The following ALCAM variants were observed in gnomAD, a reference collection of about 807,000 sequenced individuals.
ALCAM encodes CD166 antigen.
ALCAM carries 30 observed loss-of-function variants against 70.9 expected under a neutral mutation model. The observed-to-expected ratio is 0.42, with a 90% CI of 0.32 to 0.57. ALCAM has a LOEUF of 0.57. Ranked by LOEUF, ALCAM falls within the 20% of genes least tolerant of loss-of-function variation. ALCAM has a pLI of 0.11. For synonymous variants in ALCAM, 249 were observed against 242.5 expected (o/e 1.03, Z -0.25); for missense variants, 591 against 695.1 (o/e 0.85, Z 1.68).
chr3:105,520,836 A>G (rs1479090927), intron 2 of ALCAM, among the ~76,000 whole-genome samples: 2 of 152,196 alleles, frequency 1.3e-5, no homozygotes, highest in South Asian at 4.1e-4. Context: ...ATATTAATGC[A>G]AAGTGTTTGT....
chr3:105,394,077 T>C (rs962572636), intron 1 of ALCAM, among the ~76,000 whole-genome samples: 2 of 151,964 alleles, frequency 1.3e-5, no homozygotes, highest in African/African-American at 4.8e-5. Context: ...TCAAGTACTA[T>C]GGTACTTTCA....
intron 1 of ALCAM, among the ~76,000 whole-genome samples, chr3:105,389,753 C>A (rs533856585): frequency 6.7e-6 from 1 of 150,156 alleles, no homozygotes; most frequent in East Asian, 2.0e-4. Flanking sequence ...ACCCCCTCAA[C>A]AGGTCCCATT....
chr3:105,514,676 A>G (rs1939332353), intron 1 of ALCAM, among the ~76,000 whole-genome samples: 1 of 151,972 alleles, frequency 6.6e-6, no homozygotes, highest in South Asian at 2.1e-4. Flanking sequence ...TACTACTAGT[A>G]GTTTATAATT....
chr3:105,565,492 CTCTT>C (rs1408526658), intron 14 of ALCAM, among the ~76,000 whole-genome samples: 4 of 152,062 alleles, frequency 2.6e-5, no homozygotes, highest in Non-Finnish European at 5.9e-5. Context: ...TTTCAGTCTT[CTCTT>C]TCTATTATTA....
At chr3:105,453,942 A>T (rs748004051) in intron 1 of ALCAM, among the ~76,000 whole-genome samples, 10 of 152,172 alleles carry the variant, frequency 6.6e-5, no homozygotes, top group Non-Finnish European at 1.2e-4. Flanking sequence ...AGATACACAA[A>T]CTAAAATTGT....
intron 1 of ALCAM, among the ~76,000 whole-genome samples, chr3:105,516,352 CAT>C (rs1939378094): frequency 6.6e-6 from 1 of 152,114 alleles, no homozygotes; most frequent in East Asian, 1.9e-4. Flanking sequence ...AACTTCAAAA[CAT>C]TACCAGAGTC....
intron 3 of ALCAM, among the ~76,000 whole-genome samples, chr3:105,526,783 G>T (rs1486794959): frequency 1.3e-5 from 2 of 152,096 alleles, no homozygotes; most frequent in African/African-American, 4.8e-5. Flanking sequence ...CTGTGACAGG[G>T]AGACTTTCAT....
At chr3:105,440,551 GC>G (rs1383622019) in intron 1 of ALCAM, among the ~76,000 whole-genome samples, 1 of 152,134 alleles carries the variant, frequency 6.6e-6, no homozygotes, top group Non-Finnish European at 1.5e-5. Context: ...CTCAGCTAAG[GC>G]CCAGCAAATG....
chr3:105,383,410 A>G (rs1488184213), intron 1 of ALCAM, among the ~76,000 whole-genome samples: 3 of 151,848 alleles, frequency 2.0e-5, no homozygotes, highest in African/African-American at 7.2e-5. Context: ...CTACTGATAC[A>G]TAGAACTTTC....
intron 8 of ALCAM, 86 bp from the exon 9 acceptor site, chr3:105,545,137 A>G (rs1316418189): frequency 2.2e-6 from 2 of 901,038 alleles, no homozygotes; most frequent in Non-Finnish European, 3.7e-6. Flanking sequence ...GAAGAAATTT[A>G]TTTTCTTTCA....
chr3:105,399,534 A>G (rs1936035665), intron 1 of ALCAM, among the ~76,000 whole-genome samples: 1 of 152,154 alleles, frequency 6.6e-6, no homozygotes, highest in African/African-American at 2.4e-5. Flanking sequence ...TACACATATT[A>G]GGCCTAGATT....
At chr3:105,450,221 T>C (rs1052339990) in intron 1 of ALCAM, among the ~76,000 whole-genome samples, 1 of 152,224 alleles carries the variant, frequency 6.6e-6, no homozygotes, top group African/African-American at 2.4e-5. Flanking sequence ...AGTTCTTTCC[T>C]CATCTGTTTC....
Position 105,576,752 on chromosome 3 carries a change from C to T in ALCAM, c.*2301C>T, listed in dbSNP as rs1038779271. 8 of 152,182 alleles carry T rather than the reference C, an allele frequency of 5.3e-5. No individual in the cohort carries two copies. Among genetic ancestry groups the T allele is most frequent in the Non-Finnish European group, 8.8e-5 (6 of 68,032 alleles). The allele number at this position is 152,182 out of a possible 1,614,324, so 9.4% of individuals were successfully genotyped here. On this transcript the variant is annotated 3_prime_UTR_variant, in exon 16 of 16. Coordinates refer to ENST00000306107, the MANE Select transcript of ALCAM (RefSeq NM_001627.4). Reference sequence around the variant, plus strand: ...TCCAAATCCTCAACTTTTGAGGTTTCGGCTCTCCAATTTAACTCTTTGGCA... The same window carrying T: ...TCCAAATCCTCAACTTTTGAGGTTTTGGCTCTCCAATTTAACTCTTTGGCA...
Position 105,367,292 on chromosome 3 carries a change from G to GA in ALCAM, c.-116dup. 1.0e-6 allele frequency: 1 copy of GA among 973,574 alleles called. No individual in the cohort carries two copies. The highest frequency in any genetic ancestry group is 1.6e-6 in the Non-Finnish European group (1 of 636,438). 60.3% of individuals were successfully genotyped at this position (973,574 alleles called of 1,614,324 possible). On this transcript the variant is annotated 5_prime_UTR_variant, in exon 1 of 16. Transcript: ENST00000306107. The stretch of plus-strand genomic sequence containing the variant: ...ACAGCCCAGGGGACGGTGTGTCTGG[G>GA]AGAAGACGCTGCCCCTGCGTCGGGA...
chr3:105,552,816 A>G (rs1049082719), intron 14 of ALCAM: 5 of 1,311,644 alleles, frequency 3.8e-6, no homozygotes, highest in Non-Finnish European at 3.9e-6. Flanking sequence ...GTCTCAATCA[A>G]TAGCCTGAAT....
chr3:105,406,080 G>A (rs970629920), intron 1 of ALCAM, among the ~76,000 whole-genome samples: 28 of 152,078 alleles, frequency 1.8e-4, no homozygotes, highest in Admixed American at 1.4e-3. Flanking sequence ...GTGTGCATTC[G>A]CCTAAAGACA....
intron 6 of ALCAM, among the ~76,000 whole-genome samples, chr3:105,536,401 C>A (rs1489047792): frequency 6.6e-6 from 1 of 152,004 alleles, no homozygotes; most frequent in African/African-American, 2.4e-5. Flanking sequence ...GCCCAGAATT[C>A]TTTCTGTTAG....
chr3:105,424,850 G>A (rs2107423516), intron 1 of ALCAM, among the ~76,000 whole-genome samples: 1 of 151,818 alleles, frequency 6.6e-6, no homozygotes, highest in East Asian at 1.9e-4. Context: ...GGTGAATAAG[G>A]GGAAAGAGTA....
At chr3:105,552,061 T>C in intron 12 of ALCAM, 83 bp from the exon 13 acceptor site, 1 of 945,414 alleles carries the variant, frequency 1.1e-6, no homozygotes, top group Non-Finnish European at 1.6e-6. Flanking sequence ...TGAGTATTAT[T>C]ACATCATACT....
Sources: gnomAD v4.1 joint callset for allele counts (sites outside exome capture counted in the v4.1 genomes callset) on GRCh38, gnomAD v4.1.1 for gene constraint, MANE v1.5 for transcripts, NCBI Gene and HGNC (gene_info 2026-07-23, HGNC 2026-07-21) for gene names.